The following RFX8 variants were observed in gnomAD, a reference collection of about 807,000 sequenced individuals.
RFX8 encodes DNA-binding protein RFX8.
In RFX8, 46 loss-of-function variants were observed where a neutral mutation model predicts 54.6. The ratio of observed to expected loss-of-function variants is 0.84; its 90% CI spans 0.67 to 1.08. The LOEUF (loss-of-function observed/expected upper bound fraction) is 1.08. Ranked by LOEUF, RFX8 falls within the 50% of genes least tolerant of loss-of-function variation. RFX8 has a pLI of 0.00. For synonymous variants in RFX8, 192 were observed against 209.5 expected (o/e 0.92, Z 0.72); for missense variants, 536 against 562.3 (o/e 0.95, Z 0.47).
chr2:101,421,719 C>T lies in RFX8; in HGVS notation c.237+5G>A. 1 of 1,549,988 alleles carries T rather than the reference C, an allele frequency of 6.5e-7. No individual in the cohort carries two copies. Among genetic ancestry groups the T allele is most frequent in the Non-Finnish European group, 8.7e-7 (1 of 1,146,004 alleles). ...CCCTACCCTCTCAAGTTCTCAGTTC[C>T]TCACATTTCGTAAAATGTCTCGACA... On this transcript the variant is annotated splice_donor_5th_base_variant and intron_variant, in intron 4 of 11. Coordinates refer to ENST00000428343, the MANE Select transcript of RFX8 (RefSeq NM_001145664.2).
At chr2:101,449,848 T>C (rs1433034880) in intron 2 of RFX8, among the ~76,000 whole-genome samples, 1 of 150,876 alleles carries the variant, frequency 6.6e-6, no homozygotes, top group Non-Finnish European at 1.5e-5. Flanking sequence ...GAGCCTAAGC[T>C]TAATGGAGAA....
At position 101,408,929 on chromosome 2, in the gene RFX8, C is replaced by T. The variant is rs570792201; in HGVS notation, c.813+1690G>A. 2.8e-4 allele frequency among the ~76,000 whole-genome samples: 42 copies of T among 152,322 alleles called. No homozygotes were observed. The South Asian group carries it at 7.5e-3, about 27-fold the overall frequency. ...GTGGCACAAGGGAGTGGCCACAACA[C>T]GGCCAGAAGCTTAAAGAGAAAGCCC... On this transcript the variant is annotated intron_variant, in intron 9 of 11. Coordinates refer to ENST00000428343, the MANE Select transcript of RFX8 (RefSeq NM_001145664.2).
intron 1 of RFX8, chr2:101,474,136 G>A (rs1305664407): frequency 1.1e-5 from 6 of 565,978 alleles, no homozygotes; most frequent in African/African-American, 2.0e-5. Flanking sequence ...GCCGTAGCGG[G>A]AACCACGCTT....
At position 101,402,853 on chromosome 2, in the gene RFX8, G is replaced by T. The variant is rs1055717275; in HGVS notation, c.929-101C>A. On this transcript the variant is annotated intron_variant, in intron 10 of 11. Transcript: ENST00000428343. ...TTTTCTGGGGCTAACACCTGTGTACGTGAGCCTCGTTCCAATAGCTTACCC... is the reference window on the plus strand; with the variant it reads ...TTTTCTGGGGCTAACACCTGTGTACTTGAGCCTCGTTCCAATAGCTTACCC... 6.6e-6 allele frequency: 7 copies of T among 1,061,618 alleles called. No homozygotes were observed. The African/African-American group carries it at 9.5e-5, about 14-fold the overall frequency. 65.8% of individuals were successfully genotyped at this position (1,061,618 alleles called of 1,614,324 possible).
intron 9 of RFX8, among the ~76,000 whole-genome samples, chr2:101,408,457 C>G (rs1685886767): frequency 6.6e-6 from 1 of 150,828 alleles, no homozygotes; most frequent in Non-Finnish European, 1.5e-5. Flanking sequence ...TGCACTCCAG[C>G]CTGGGCGACA....
At position 101,475,101 on chromosome 2, in the gene RFX8, C is replaced by G. The variant is rs1042745315; in HGVS notation, c.-518G>C. ...TGGAGCTGCTGGCCATCTCCAAGTTCACTTCCTTTGTGGGGAACTGTGTGG... is the reference window on the plus strand; with the variant it reads ...TGGAGCTGCTGGCCATCTCCAAGTTGACTTCCTTTGTGGGGAACTGTGTGG... On this transcript the variant is annotated 5_prime_UTR_variant, in exon 1 of 12. Coordinates refer to ENST00000428343, the MANE Select transcript of RFX8 (RefSeq NM_001145664.2). 7.9e-5 allele frequency among the ~76,000 whole-genome samples: 12 copies of G among 152,176 alleles called. No individual in the cohort carries two copies. Among genetic ancestry groups the G allele is most frequent in the African/African-American group, 2.9e-4 (12 of 41,452 alleles).
intron 2 of RFX8, among the ~76,000 whole-genome samples, chr2:101,430,369 A>T (rs6543051): frequency 0.74 from 111,777 of 152,064 alleles, 42,547 homozygotes; most frequent in Middle Eastern, 0.88. Flanking sequence ...TCTATGTGAC[A>T]GTATTTGTAA....
chr2:101,424,536 T>C (rs1170303681), intron 2 of RFX8, among the ~76,000 whole-genome samples: 2 of 152,208 alleles, frequency 1.3e-5, no homozygotes, highest in South Asian at 2.1e-4. Flanking sequence ...CAAAGGACTA[T>C]AAATCATGCT....
chr2:101,466,488 G>A (rs1357751726), intron 2 of RFX8, among the ~76,000 whole-genome samples: 1 of 152,120 alleles, frequency 6.6e-6, no homozygotes, highest in African/African-American at 2.4e-5. Flanking sequence ...TACCATGCCA[G>A]CAAACCTGGC....
chr2:101,419,505 T>C (rs1686733668), intron 4 of RFX8, among the ~76,000 whole-genome samples: 1 of 152,262 alleles, frequency 6.6e-6, no homozygotes, highest in Non-Finnish European at 1.5e-5. Context: ...AGGATCAAAA[T>C]GGCGGCTCCT....
chr2:101,412,984 T>A lies in RFX8; in HGVS notation c.649A>T (p.Thr217Ser). 1 of 1,551,954 alleles carries A rather than the reference T, an allele frequency of 6.4e-7. No individual in the cohort carries two copies. Among genetic ancestry groups the A allele is most frequent in the Non-Finnish European group, 8.7e-7 (1 of 1,147,024 alleles). ...TCACTTGCCAGGGCTTTCTTAGAAG[T>A]AGCCAAAGTGCCTTGATTGATGATG... ...QAIINQGTLATSKKALASDRS... is the reference protein window; with the variant it reads ...QAIINQGTLASSKKALASDRS... Residue 217 changes from threonine (T) to serine (S), a missense_variant, in exon 8 of 12, where the codon ACT (threonine) becomes TCT (serine). Physicochemically the swap from Thr to Ser is moderately conservative, Grantham distance 58. Transcript: ENST00000428343.
intron 11 of RFX8, 54 bp from the exon 12 acceptor site, chr2:101,397,778 C>T: frequency 1.4e-6 from 2 of 1,418,572 alleles, no homozygotes; most frequent in Non-Finnish European, 1.9e-6. Context: ...GATACTATTC[C>T]TTGTTGCAGG....
chr2:101,397,730 A>T lies in RFX8; in HGVS notation c.1246-6T>A. ...TCCAACAGCACCTGGATGAGCTGCAAGAGGGAAATGTTTTAAGGGAAAAGA... is the reference window on the plus strand; with the variant it reads ...TCCAACAGCACCTGGATGAGCTGCATGAGGGAAATGTTTTAAGGGAAAAGA... On this transcript the variant is annotated splice_region_variant and splice_polypyrimidine_tract_variant and intron_variant, in intron 11 of 11. Coordinates refer to ENST00000428343, the MANE Select transcript of RFX8 (RefSeq NM_001145664.2). The T allele has an allele frequency of 6.5e-7, 1 of 1,544,522 alleles. No homozygotes were observed.
chr2:101,451,829 C>G (rs1688700309), intron 2 of RFX8, among the ~76,000 whole-genome samples: 1 of 152,116 alleles, frequency 6.6e-6, no homozygotes, highest in Admixed American at 6.5e-5. Flanking sequence ...CGTGGTGGCT[C>G]ACGCCCGTAA....
At chr2:101,472,379 G>T (rs1391960638) in intron 1 of RFX8, among the ~76,000 whole-genome samples, 2 of 152,092 alleles carry the variant, frequency 1.3e-5, no homozygotes, top group African/African-American at 2.4e-5. Flanking sequence ...TGGGATTACA[G>T]GCCTGAGCCA....
intron 2 of RFX8, among the ~76,000 whole-genome samples, chr2:101,458,372 G>C (rs978910538): frequency 9.9e-5 from 15 of 152,152 alleles, no homozygotes; most frequent in African/African-American, 3.6e-4. Flanking sequence ...CCAAGTTTAT[G>C]CTTCCTTCAG....
chr2:101,467,740 G>C (rs964191114), intron 1 of RFX8, among the ~76,000 whole-genome samples: 1 of 152,100 alleles, frequency 6.6e-6, no homozygotes, highest in African/African-American at 2.4e-5. Flanking sequence ...CCTGGGGACA[G>C]CCAGGCGCCT....
intron 2 of RFX8, among the ~76,000 whole-genome samples, chr2:101,450,913 C>T (rs1400613260): frequency 2.0e-5 from 3 of 152,182 alleles, no homozygotes; most frequent in East Asian, 3.9e-4. Context: ...AGGCTCTCCT[C>T]TGCTTGCCTG....
In RFX8 at chr2:101,466,823, C is replaced by A. The variant is rs1282143251; in HGVS notation, c.26G>T (p.Cys9Phe). The stretch of plus-strand genomic sequence containing the variant: ...GACTTGGTTCTCAGTGTTTTGCCCA[C>A]AGGTCTCCACGTAAATCTCATACAT... MYEIYVET[C>F]GQNTENQVNP... Residue 9 changes from cysteine (C) to phenylalanine (F), a missense_variant, in exon 2 of 12, where the codon TGT becomes TTT. By Grantham distance (205) the Cys-to-Phe change is radical. Transcript: ENST00000428343. 1 of 1,551,682 alleles carries A rather than the reference C, an allele frequency of 6.4e-7. No homozygotes were observed. The highest frequency in any genetic ancestry group is 2.0e-5 in the Admixed American group (1 of 51,010).
Sources: gnomAD v4.1 joint callset for allele counts (sites outside exome capture counted in the v4.1 genomes callset) on GRCh38, gnomAD v4.1.1 for gene constraint, MANE v1.5 for transcripts, NCBI Gene and HGNC (gene_info 2026-07-23, HGNC 2026-07-21) for gene names.